The following CTNNA2 variants were observed in gnomAD, a reference collection of about 807,000 sequenced individuals.
CTNNA2 encodes the protein catenin alpha 2, also known as catenin alpha-2.
CTNNA2 carries 42 observed loss-of-function variants against 101.0 expected under a neutral mutation model. That is an observed-to-expected ratio of 0.42 (90% CI 0.32 to 0.54). CTNNA2 has a LOEUF of 0.54. Among genes scored for constraint, CTNNA2 ranks in the 20% least tolerant of loss-of-function variants. The pLI is 0.14. For missense variants in CTNNA2, 871 were observed against 1,223.1 expected (o/e 0.71, Z 4.29); for synonymous variants, 450 against 456.4 (o/e 0.99, Z 0.18).
intron 3 of CTNNA2, among the ~76,000 whole-genome samples, chr2:79,356,788 A>G (rs573822698): frequency 1.6e-4 from 25 of 152,344 alleles, no homozygotes; most frequent in Middle Eastern, 6.8e-3. Flanking sequence ...CTTTCTACAC[A>G]GGATCAGCAG....
intron 3 of CTNNA2, among the ~76,000 whole-genome samples, chr2:79,772,290 C>T (rs1673645435): frequency 1.3e-5 from 2 of 152,144 alleles, no homozygotes; most frequent in Admixed American, 6.5e-5. Flanking sequence ...CACTCCACTC[C>T]CCATCCCTGA....
chr2:80,364,677 A>G (rs951087655), intron 7 of CTNNA2, among the ~76,000 whole-genome samples: 5 of 149,818 alleles, frequency 3.3e-5, no homozygotes, highest in African/African-American at 1.2e-4. Flanking sequence ...TCCTCACCCC[A>G]GGTAATTGAT....
chr2:79,909,739 C>T lies in CTNNA2; in HGVS notation c.998C>T (p.Ala333Val), dbSNP rs2104323045. Residue 333 changes from alanine (A) to valine (V), a missense_variant, in exon 7 of 19, where the codon GCG becomes GTG. Ala to Val is a moderately conservative substitution (Grantham distance 64, BLOSUM62 0). Transcript: ENST00000402739. The stretch of plus-strand genomic sequence containing the variant: ...GACGACCGGCGCGAGAGGATCGTGG[C>T]GGAGTGCAACGCCGTGCGGCAGGCG... ...TRDDRRERIV[A>V]ECNAVRQALQ... The T allele has an allele frequency of 1.9e-6, 3 of 1,613,736 alleles. No individual in the cohort carries two copies. The highest frequency in any genetic ancestry group is 2.5e-6 in the Non-Finnish European group (3 of 1,179,812).
intron 2 of CTNNA2, among the ~76,000 whole-genome samples, chr2:79,299,533 C>T (rs1487041939): frequency 6.6e-6 from 1 of 152,162 alleles, no homozygotes; most frequent in Non-Finnish European, 1.5e-5. Flanking sequence ...CTCTGCCAAA[C>T]CGGTGATGGG....
Position 79,236,181 on chromosome 2 carries a change from G to T in CTNNA2, c.-406+38105G>T, listed in dbSNP as rs76101691. Among the ~76,000 whole-genome samples, 1,309 of 152,298 alleles carry T rather than the reference G, an allele frequency of 8.6e-3. 21 individuals are homozygous for T. Among genetic ancestry groups the T allele is most frequent in the African/African-American group, 0.03 (1,266 of 41,566 alleles). ...GGGGTTTTACCCTGTTGTCCAGTCTGGGGTATAATGGTGCAATCATAACTC... is the reference window on the plus strand; with the variant it reads ...GGGGTTTTACCCTGTTGTCCAGTCTTGGGTATAATGGTGCAATCATAACTC... On this transcript the variant is annotated intron_variant, in intron 2 of 21. Transcript: ENST00000466387.
At chr2:80,359,498 C>A (rs78361646) in intron 7 of CTNNA2, among the ~76,000 whole-genome samples, 4,432 of 152,178 alleles carry the variant, frequency 0.029, 118 homozygotes, top group African/African-American at 0.066. Context: ...GTTTAGCACC[C>A]CCCCTTTGGT....
intron 3 of CTNNA2, among the ~76,000 whole-genome samples, chr2:79,767,832 C>G (rs1673274026): frequency 6.6e-6 from 1 of 151,360 alleles, no homozygotes; most frequent in Non-Finnish European, 1.5e-5. Flanking sequence ...CTTCCCCACT[C>G]TTTCTTCTCC....
chr2:80,338,845 C>T (rs1671983757), intron 7 of CTNNA2, among the ~76,000 whole-genome samples: 1 of 152,112 alleles, frequency 6.6e-6, no homozygotes. Flanking sequence ...TAGGGGGACT[C>T]TAGAGCTTTT....
At chr2:79,374,565 C>T (rs1383594512) in intron 4 of CTNNA2, among the ~76,000 whole-genome samples, 1 of 151,952 alleles carries the variant, frequency 6.6e-6, no homozygotes, top group Non-Finnish European at 1.5e-5. Flanking sequence ...TCAACATTCT[C>T]TATTATTCTG....
rs182908374 is a variant in CTNNA2 at position 80,387,061 on chromosome 2, G to A, written c.1057-6150G>A. ...ACTCATTTTCTGGGAGGCCAAGGTG[G>A]GTGGATCACGAGGTCAGGAGATCAA... On this transcript the variant is annotated intron_variant, in intron 7 of 18. Transcript: ENST00000402739. Among the ~76,000 whole-genome samples, 947 of 152,218 alleles carry A rather than the reference G, an allele frequency of 6.2e-3. 5 individuals are homozygous for A. The highest frequency in any genetic ancestry group is 0.021 in the African/African-American group (887 of 41,528).
At chr2:79,914,153 C>G (rs536449639) in intron 7 of CTNNA2, among the ~76,000 whole-genome samples, 26 of 118,120 alleles carry the variant, frequency 2.2e-4, no homozygotes, top group Non-Finnish European at 3.7e-4. Context: ...GGCGACAGAG[C>G]GAGACTCCGT....
At position 80,647,633 on chromosome 2, in the gene CTNNA2, G is replaced by T; in HGVS notation, c.2623G>T (p.Ala875Ser). The T allele has an allele frequency of 6.2e-7, 1 of 1,613,262 alleles. No homozygotes were observed. The highest frequency in any genetic ancestry group is 8.5e-7 in the Non-Finnish European group (1 of 1,179,414). ...LIQAAKNLMN[A>S]VVLTVKASYV... Reference sequence around the variant, plus strand: ...CCAGGCAGCTAAAAACCTGATGAATGCTGTTGTCCTCACGGTGAAAGCATC... The same window carrying T: ...CCAGGCAGCTAAAAACCTGATGAATTCTGTTGTCCTCACGGTGAAAGCATC... Residue 875 changes from alanine (A) to serine (S), a missense_variant, in exon 19 of 19, where the codon GCT (alanine) becomes TCT (serine). Ala to Ser is a moderately conservative substitution (Grantham distance 99). Around this residue, in one of 5 missense-constraint regions of CTNNA2, gnomAD observed 25 missense variants for 69.5 expected, o/e 0.36. Transcript: ENST00000402739.
chr2:79,826,087 G>A (rs115378535), intron 3 of CTNNA2, among the ~76,000 whole-genome samples: 12 of 152,164 alleles, frequency 7.9e-5, no homozygotes, highest in East Asian at 1.9e-4. Flanking sequence ...AAAAAGTGGC[G>A]TATATGTTAG....
intron 17 of CTNNA2, among the ~76,000 whole-genome samples, chr2:80,610,249 CTT>C (rs558840273): frequency 1.3e-5 from 2 of 151,632 alleles, no homozygotes; most frequent in Non-Finnish European, 3.0e-5. Context: ...CTGCCTCCAT[CTT>C]TTTCTTCATG....
intron 2 of CTNNA2, among the ~76,000 whole-genome samples, chr2:79,715,266 G>T (rs897943183): frequency 6.1e-5 from 9 of 148,366 alleles, no homozygotes; most frequent in Non-Finnish European, 1.2e-4. Flanking sequence ...GGGGTATTTA[G>T]CTTGAAGAAA....
At chr2:79,683,184 C>T (rs1245558463) in intron 2 of CTNNA2, among the ~76,000 whole-genome samples, 1 of 152,208 alleles carries the variant, frequency 6.6e-6, no homozygotes, top group Non-Finnish European at 1.5e-5. Context: ...GGCCCATCCC[C>T]TACCCCTACA....
chr2:80,565,264 T>A (rs929008124), intron 12 of CTNNA2, among the ~76,000 whole-genome samples: 1 of 152,158 alleles, frequency 6.6e-6, no homozygotes, highest in Non-Finnish European at 1.5e-5. Flanking sequence ...AACACCATGT[T>A]TAACATTGGC....
chr2:80,022,966 T>C (rs1388515013), intron 7 of CTNNA2, among the ~76,000 whole-genome samples: 1 of 152,188 alleles, frequency 6.6e-6, no homozygotes, highest in Non-Finnish European at 1.5e-5. Flanking sequence ...AACTATGTTG[T>C]CTTGCTAATG....
At chr2:80,059,735 C>T (rs1300282778) in intron 7 of CTNNA2, among the ~76,000 whole-genome samples, 3 of 152,234 alleles carry the variant, frequency 2.0e-5, no homozygotes, top group African/African-American at 7.2e-5. Context: ...CACTTGCTCT[C>T]TTGCCCGCCC....
Sources: gnomAD v4.1 joint callset for allele counts (sites outside exome capture counted in the v4.1 genomes callset) on GRCh38, gnomAD v4.1.1 for gene constraint, gnomAD v4.1.1 regional missense constraint, MANE v1.5 for transcripts, NCBI Gene and HGNC (gene_info 2026-07-23, HGNC 2026-07-21) for gene names.